TMTC2: variants seen among roughly 807,000 people sequenced by gnomAD.
TMTC2 encodes the protein transmembrane O-mannosyltransferase targeting cadherins 2.
TMTC2 carries 43 observed loss-of-function variants against 82.4 expected under a neutral mutation model. The observed-to-expected ratio is 0.52, with a 90% confidence interval of 0.41 to 0.67. The LOEUF (loss-of-function observed/expected upper bound fraction) is 0.67. TMTC2 is among the 30% of genes least tolerant of loss of function. TMTC2 has a pLI of 0.00. For synonymous variants in TMTC2, 408 were observed against 381.9 expected, an observed-to-expected ratio of 1.07 and a Z score of -0.80; for missense variants, 919 against 1,012.4, an observed-to-expected ratio of 0.91 and a Z score of 1.25.
chr12:82,950,208 AT>A (rs1381786677), intron 4 of TMTC2, among the ~76,000 whole-genome samples: 5 of 152,170 alleles, frequency 3.3e-5, no homozygotes, highest in Non-Finnish European at 5.9e-5. Flanking sequence ...CTCCCCCTTC[AT>A]TTTTAGACTC....
chr12:82,970,371 C>A (rs1040811414), intron 7 of TMTC2, among the ~76,000 whole-genome samples: 1 of 151,342 alleles, frequency 6.6e-6, no homozygotes, highest in Admixed American at 6.5e-5. Context: ...GTCGCCCAGG[C>A]GGGACTGCGG....
At chr12:82,948,326 C>T (rs1445292531) in intron 4 of TMTC2, among the ~76,000 whole-genome samples, 1 of 151,812 alleles carries the variant, frequency 6.6e-6, no homozygotes, top group African/African-American at 2.4e-5. Context: ...GCTTATACCA[C>T]TGCACTCCAG....
At chr12:83,072,027 T>C (rs1363575139) in intron 11 of TMTC2, among the ~76,000 whole-genome samples, 2 of 152,188 alleles carry the variant, frequency 1.3e-5, no homozygotes, top group Non-Finnish European at 2.9e-5. Flanking sequence ...CTGATCTTGG[T>C]AATTTCCTTT....
chr12:82,853,101 T>C (rs12299630), intron 1 of TMTC2, among the ~76,000 whole-genome samples: 1 of 151,092 alleles, frequency 6.6e-6, no homozygotes, highest in Admixed American at 6.6e-5. Flanking sequence ...TGTTTCAAAG[T>C]TTTTTTTCTT....
intron 11 of TMTC2, among the ~76,000 whole-genome samples, chr12:83,120,714 G>T (rs1884921470): frequency 6.6e-6 from 1 of 152,114 alleles, no homozygotes; most frequent in Admixed American, 6.5e-5. Flanking sequence ...GCAAGGCCAG[G>T]GAAGTTTTCC....
intron 7 of TMTC2, among the ~76,000 whole-genome samples, chr12:82,979,049 C>T (rs558400214): frequency 6.6e-6 from 1 of 151,618 alleles, no homozygotes; most frequent in Admixed American, 6.6e-5. Flanking sequence ...TTTTTCCATC[C>T]CTTTATTTTC....
intron 4 of TMTC2, among the ~76,000 whole-genome samples, chr12:82,938,125 G>A (rs1876508906): frequency 6.6e-6 from 1 of 151,708 alleles, no homozygotes; most frequent in Admixed American, 6.6e-5. Flanking sequence ...TGTTGGCCAG[G>A]CTGGTCTCGA....
intron 11 of TMTC2, among the ~76,000 whole-genome samples, chr12:83,105,193 C>G (rs1884354878): frequency 6.6e-6 from 1 of 152,192 alleles, no homozygotes; most frequent in African/African-American, 2.4e-5. Context: ...TAACCAGTTT[C>G]TAAGTAATTC....
chr12:82,953,366 G>A (rs561860462), intron 4 of TMTC2, among the ~76,000 whole-genome samples: 2 of 152,316 alleles, frequency 1.3e-5, no homozygotes, highest in South Asian at 2.1e-4. Context: ...AATTCAAGTA[G>A]TAGCGACTTA....
At chr12:83,040,709 G>T (rs1343112284) in intron 9 of TMTC2, among the ~76,000 whole-genome samples, 17 of 135,902 alleles carry the variant, frequency 1.3e-4, no homozygotes, top group Non-Finnish European at 2.3e-4. Context: ...CTTTTGAGAC[G>T]GAGTCTCGCT....
chr12:82,734,580 T>G lies in TMTC2; in HGVS notation c.83+46911T>G, dbSNP rs1874991918. Among the ~76,000 whole-genome samples, 4 of 152,176 alleles carry G rather than the reference T, an allele frequency of 2.6e-5. No individual in the cohort carries two copies. In the South Asian group the frequency reaches 8.3e-4, roughly 31 times the overall value. On this transcript the variant is annotated intron_variant, in intron 1 of 11. Coordinates refer to ENST00000321196, the MANE Select transcript of TMTC2 (RefSeq NM_152588.3). ...TTTGAAGGGTTCATAGGGACCCTTT[T>G]GCCATAATCATAGGAGTAATACCAG... is the stretch of plus-strand genomic sequence containing the variant.
At chr12:83,127,808 A>G (rs953381408) in intron 11 of TMTC2, among the ~76,000 whole-genome samples, 3 of 152,070 alleles carry the variant, frequency 2.0e-5, no homozygotes, top group African/African-American at 7.2e-5. Flanking sequence ...CCCCACCACA[A>G]TATACATCCA....
chr12:82,889,582 C>G (rs1349446686), intron 2 of TMTC2, among the ~76,000 whole-genome samples: 1 of 151,910 alleles, frequency 6.6e-6, no homozygotes, highest in Admixed American at 6.6e-5. Flanking sequence ...AAATAAAAGG[C>G]CTTTCGTACA....
chr12:82,785,144 G>A (rs1878114470), intron 1 of TMTC2, among the ~76,000 whole-genome samples: 1 of 151,988 alleles, frequency 6.6e-6, no homozygotes, highest in Non-Finnish European at 1.5e-5. Flanking sequence ...TTACTTTGAG[G>A]CCTCTCTTTA....
intron 11 of TMTC2, among the ~76,000 whole-genome samples, chr12:83,102,766 G>T (rs984186514): frequency 5.9e-5 from 9 of 152,152 alleles, no homozygotes; most frequent in African/African-American, 2.2e-4. Context: ...CATTTTGAGA[G>T]TAAGACCTAT....
chr12:82,893,558 A>G (rs1873507949), intron 2 of TMTC2, among the ~76,000 whole-genome samples: 1 of 152,098 alleles, frequency 6.6e-6, no homozygotes. Context: ...TCTGATATTA[A>G]TGAATAATTC....
intron 2 of TMTC2, among the ~76,000 whole-genome samples, chr12:82,891,349 C>A (rs1403750645): frequency 6.6e-6 from 1 of 152,094 alleles, no homozygotes; most frequent in Admixed American, 6.6e-5. Flanking sequence ...GCTCTTGTTG[C>A]CCAGGCTGGA....
chr12:83,008,731 T>C (rs1204528533), intron 8 of TMTC2, among the ~76,000 whole-genome samples: 1 of 152,176 alleles, frequency 6.6e-6, no homozygotes, highest in Non-Finnish European at 1.5e-5. Context: ...AATTGGGTAG[T>C]AGAAAATGAA....
chr12:83,081,557 T>C (rs1296645220), intron 11 of TMTC2, among the ~76,000 whole-genome samples: 1 of 152,220 alleles, frequency 6.6e-6, no homozygotes, highest in Non-Finnish European at 1.5e-5. Context: ...CTACTATATA[T>C]GTTTATTTTG....
Sources: allele counts gnomAD v4.1 joint callset (sites outside exome capture counted in the v4.1 genomes callset), GRCh38; gene constraint gnomAD v4.1.1; transcripts MANE v1.5; gene names NCBI Gene and HGNC (gene_info 2026-07-23, HGNC 2026-07-21).